RSF1: variants seen among roughly 807,000 people sequenced by gnomAD.
RSF1 encodes HBV pX-associated protein 8.
Under a neutral mutation model 145.2 loss-of-function variants are expected in RSF1, and 13 were observed. That is an observed-to-expected ratio of 0.09 (90% CI 0.06 to 0.14). The LOEUF (loss-of-function observed/expected upper bound fraction) is 0.14. RSF1 is among the 10% of genes least tolerant of loss of function. RSF1 has a pLI of 1.00. For synonymous variants in RSF1, 577 were observed against 592.6 expected (o/e 0.97, Z 0.38); for missense variants, 1,517 against 1,718.2 (o/e 0.88, Z 2.07).
chr11:77,725,277 G>A (rs777366631), intron 5 of RSF1, among the ~76,000 whole-genome samples: 5 of 152,108 alleles, frequency 3.3e-5, no homozygotes, highest in Non-Finnish European at 7.4e-5. Flanking sequence ...TTCATTAAAT[G>A]TCTTCACATT....
At chr11:77,834,183 A>C in the RSF1 span, among the ~76,000 whole-genome samples, 1 of 152,226 alleles carries the variant, frequency 6.6e-6, no homozygotes, top group Admixed American at 6.5e-5. Context: ...TCAATGAATA[A>C]AATGTAAATT....
the RSF1 span, among the ~76,000 whole-genome samples, chr11:77,856,465 A>G: frequency 1.3e-5 from 2 of 152,128 alleles, no homozygotes; most frequent in South Asian, 4.1e-4. Context: ...TAGTATCTTT[A>G]TAGCAATACC....
intron 1 of RSF1, among the ~76,000 whole-genome samples, chr11:77,798,256 C>A (rs1418436922): frequency 3.3e-5 from 5 of 151,972 alleles, no homozygotes; most frequent in African/African-American, 9.7e-5. Context: ...TGGAACCAAC[C>A]CAAATGTCCA....
At chr11:77,840,139 G>A in the RSF1 span, among the ~76,000 whole-genome samples, 5 of 151,970 alleles carry the variant, frequency 3.3e-5, no homozygotes, top group Admixed American at 6.6e-5. Context: ...GGATTTGAAT[G>A]ATTAATGCAC....
At chr11:77,788,142 C>CAAAAAAAAAAAA (rs66595170) in intron 1 of RSF1, among the ~76,000 whole-genome samples, 1 of 3,432 alleles carries the variant, frequency 2.9e-4, no homozygotes, top group Non-Finnish European at 9.4e-4. Flanking sequence ...GACACTATCT[C>CAAAAAAAAAAAA]AAAAAAAAAA....
chr11:77,737,711 T>C (rs1236889461), intron 4 of RSF1, among the ~76,000 whole-genome samples: 1 of 101,718 alleles, frequency 9.8e-6, no homozygotes, highest in Non-Finnish European at 2.1e-5. Flanking sequence ...GGAGAAATGG[T>C]CAAGCATGAG....
At chr11:77,857,320 C>G in the RSF1 span, among the ~76,000 whole-genome samples, 1 of 152,156 alleles carries the variant, frequency 6.6e-6, no homozygotes, top group African/African-American at 2.4e-5. Flanking sequence ...AGAAGTTTCC[C>G]AGGTAAACAA....
At chr11:77,759,706 T>C (rs1374630145) in intron 2 of RSF1, among the ~76,000 whole-genome samples, 1 of 152,020 alleles carries the variant, frequency 6.6e-6, no homozygotes, top group Non-Finnish European at 1.5e-5. Context: ...AAGAAAATCC[T>C]TTGCAATATA....
chr11:77,736,019 G>A (rs1316684713), intron 4 of RSF1, among the ~76,000 whole-genome samples: 1 of 152,222 alleles, frequency 6.6e-6, no homozygotes, highest in Non-Finnish European at 1.5e-5. Context: ...TTACAGGTGT[G>A]AGCCGCCGCA....
chr11:77,663,596 A>G lies in RSF1; in HGVS notation c.*3321T>C, dbSNP rs560221615. 1.3e-5 allele frequency: 2 copies of G among 152,184 alleles called. No homozygotes were observed. The highest frequency in any genetic ancestry group is 2.9e-5 in the Non-Finnish European group (2 of 68,024). 9.4% of individuals were successfully genotyped at this position (152,184 alleles called of 1,614,324 possible). On this transcript the variant is annotated 3_prime_UTR_variant, in exon 16 of 16. Coordinates refer to ENST00000308488, the MANE Select transcript of RSF1 (RefSeq NM_016578.4). Reference sequence around the variant, plus strand: ...TCCTCTGAATCTGTAACCTTGACCAATTGAAAAAAGGATGTCAAGGAAATA... The same window carrying G: ...TCCTCTGAATCTGTAACCTTGACCAGTTGAAAAAAGGATGTCAAGGAAATA...
At chr11:77,793,863 C>T (rs1041072297) in intron 1 of RSF1, among the ~76,000 whole-genome samples, 2 of 152,058 alleles carry the variant, frequency 1.3e-5, no homozygotes, top group Admixed American at 6.6e-5. Flanking sequence ...CTGATAGAAC[C>T]TCCAAACAAG....
At chr11:77,727,379 T>C (rs1431959482) in intron 4 of RSF1, among the ~76,000 whole-genome samples, 10 of 151,798 alleles carry the variant, frequency 6.6e-5, no homozygotes, top group Admixed American at 5.9e-4. Context: ...AACTGAAGAG[T>C]ATACTGAAGT....
At chr11:77,753,738 A>C (rs1948087664) in intron 2 of RSF1, among the ~76,000 whole-genome samples, 2 of 152,224 alleles carry the variant, frequency 1.3e-5, no homozygotes, top group Admixed American at 1.3e-4. Context: ...TTCAGAAGGT[A>C]ACAAGACATG....
intron 11 of RSF1, among the ~76,000 whole-genome samples, chr11:77,680,800 C>T (rs1207331462): frequency 6.6e-6 from 1 of 152,126 alleles, no homozygotes; most frequent in East Asian, 1.9e-4. Flanking sequence ...GTGGATTTGT[C>T]TTAAGTTCTG....
At chr11:77,845,620 G>C in the RSF1 span, among the ~76,000 whole-genome samples, 2 of 152,068 alleles carry the variant, frequency 1.3e-5, no homozygotes, top group Non-Finnish European at 2.9e-5. Context: ...AGTAGAGACA[G>C]GGTTTTACCA....
the RSF1 span, chr11:77,869,307 T>TC: frequency 2.9e-3 from 340 of 116,488 alleles, 14 homozygotes; most frequent in Middle Eastern, 0.019. Flanking sequence ...TATTTATCTC[T>TC]TTTTCTTTTT....
chr11:77,775,047 G>T (rs1467709670), intron 1 of RSF1, among the ~76,000 whole-genome samples: 1 of 151,024 alleles, frequency 6.6e-6, no homozygotes, highest in East Asian at 2.0e-4. Context: ...TTACAGGCGT[G>T]AGCCACTGCG....
intron 15 of RSF1, 65 bp from the exon 16 acceptor site, chr11:77,667,556 T>C: frequency 1.4e-6 from 2 of 1,400,174 alleles, no homozygotes; most frequent in Non-Finnish European, 2.0e-6. Context: ...ATTCTCCTTT[T>C]CCTCCCGATA....
At chr11:77,700,446 T>C (rs1472863554) in intron 6 of RSF1, among the ~76,000 whole-genome samples, 4 of 148,288 alleles carry the variant, frequency 2.7e-5, no homozygotes, top group Admixed American at 6.7e-5. Flanking sequence ...ATAGTGGCAA[T>C]GGGGAATTCT....
Sources: gnomAD v4.1 joint callset for allele counts (sites outside exome capture counted in the v4.1 genomes callset) on GRCh38, gnomAD v4.1.1 for gene constraint, MANE v1.5 for transcripts, NCBI Gene and HGNC (gene_info 2026-07-23, HGNC 2026-07-21) for gene names.